DDX19B: variants seen among roughly 807,000 people sequenced by gnomAD.
DDX19B encodes DEAD-box helicase 19B.
A neutral mutation model predicts 58.1 loss-of-function variants in DDX19B; 27 were observed. The ratio of observed to expected loss-of-function variants is 0.46; its 90% confidence interval spans 0.34 to 0.64. The LOEUF is 0.64. Ranked by LOEUF, DDX19B falls within the 30% of genes least tolerant of loss-of-function variation. The pLI, the probability that DDX19B is intolerant of heterozygous loss-of-function variation, is 0.01. For synonymous variants in DDX19B, 187 were observed against 214.4 expected (o/e 0.87, Z 1.12); for missense variants, 399 against 596.5 (o/e 0.67, Z 3.45).
intron 3 of DDX19B, 182 bp from the exon 4 acceptor site, chr16:70,315,787 G>A (rs1329429749): frequency 2.5e-6 from 2 of 786,096 alleles, no homozygotes; most frequent in Non-Finnish European, 3.8e-6. Flanking sequence ...CTAAATGGGT[G>A]ATGTATCATA....
rs1962294781 is a variant in DDX19B, at chr16:70,314,952, A to G, written c.157A>G (p.Lys53Glu). 1 of 1,608,628 alleles carries G rather than the reference A, an allele frequency of 6.2e-7. No individual in the cohort carries two copies. ...TGCAGAGAAGACAGATGAAGAAGAG[A>G]AAGGTAACACAGCCGTGGAGCTTTA... Reference protein sequence around the residue: ...ANAEKTDEEEKEDRAAQSLLN... With the variant: ...ANAEKTDEEEEEDRAAQSLLN... The change falls in exon 3 of 12, where the codon AAA becomes GAA. Residue 53 changes from lysine (K) to glutamate (E), a missense_variant. Physicochemically the swap from Lys to Glu is moderately conservative, Grantham distance 56 (BLOSUM62 1). Coordinates refer to ENST00000288071, the MANE Select transcript of DDX19B (RefSeq NM_007242.7).
rs765220525 is a variant in DDX19B, at chr16:70,329,487, G to A, written c.785+18G>A. 6 of 1,613,190 alleles carry A rather than the reference G, an allele frequency of 3.7e-6. No individual in the cohort carries two copies. In the South Asian group the frequency reaches 5.5e-5, roughly 15 times the overall value. On this transcript the variant is annotated intron_variant, in intron 8 of 11. Coordinates refer to ENST00000288071, the MANE Select transcript of DDX19B (RefSeq NM_007242.7). ...ATCCAGAGGTAGGGATCTCGAGGGT[G>A]GGGGACTCCTCAGATTCCCCATCTG...
rs1963646308 is a variant in DDX19B, at chr16:70,334,965, A to G, written c.*1383A>G. The G allele has an allele frequency of 6.6e-6, 1 of 152,196 alleles. No individual in the cohort carries two copies. Among genetic ancestry groups the G allele is most frequent in the African/African-American group, 2.4e-5 (1 of 41,436 alleles). The allele number at this position is 152,196 out of a possible 1,614,324, so 9.4% of individuals were successfully genotyped here. A position where few individuals can be genotyped will look rare whatever the true frequency, so the allele number is the denominator to read the frequency against. On this transcript the variant is annotated 3_prime_UTR_variant, in exon 12 of 12. Transcript: ENST00000288071. ...GACCTGGAAGAAGAGTTTGATGGCT[A>G]AGAACGATTGTGATCCTAGGTCTTC...
At position 70,329,363 on chromosome 16, in the gene DDX19B, A is replaced by G; in HGVS notation, c.679A>G (p.Lys227Glu). 1 of 1,614,136 alleles carries G rather than the reference A, an allele frequency of 6.2e-7. No homozygotes were observed. The highest frequency in any genetic ancestry group is 8.5e-7 in the Non-Finnish European group (1 of 1,180,026). Residue 227 changes from lysine (K) to glutamate (E), a missense_variant, in exon 8 of 12, where the codon AAG becomes GAG. Physicochemically the swap from Lys to Glu is moderately conservative, Grantham distance 56. Transcript: ENST00000288071. ...TGGGACTGTGCTGGACTGGTGCTCC[A>G]AGCTCAAGTTCATTGATCCCAAGAA... Reference protein sequence around the residue: ...TPGTVLDWCSKLKFIDPKKIK... With the variant: ...TPGTVLDWCSELKFIDPKKIK...
chr16:70,325,801 C>A, intron 7 of DDX19B, 113 bp downstream of exon 7: 2 of 820,850 alleles, frequency 2.4e-6, no homozygotes, highest in Non-Finnish European at 4.0e-6. Flanking sequence ...TGTTCTCCAG[C>A]TAGATTCAAA....
At chr16:70,317,612 T>A in intron 5 of DDX19B, 24 bp downstream of exon 5, 1 of 1,582,584 alleles carries the variant, frequency 6.3e-7, no homozygotes, top group Non-Finnish European at 8.6e-7. Flanking sequence ...TACAACTCCA[T>A]TTCATTTTAG....
intron 7 of DDX19B, among the ~76,000 whole-genome samples, chr16:70,326,389 A>G (rs1273980063): frequency 6.6e-6 from 1 of 152,140 alleles, no homozygotes; most frequent in African/African-American, 2.4e-5. Context: ...AGGCAGGAGA[A>G]TGGTGTGAAC....
At chr16:70,298,264 G>A (rs998672889), upstream of DDX19B, among the ~76,000 whole-genome samples, 1 of 151,894 alleles carries the variant, frequency 6.6e-6, no homozygotes, top group African/African-American at 2.4e-5. Flanking sequence ...AAACTAGCTG[G>A]GCATGGTGGC....
intron 6 of DDX19B, among the ~76,000 whole-genome samples, 198 bp downstream of exon 6, chr16:70,324,885 CT>C (rs1363127385): frequency 6.6e-6 from 1 of 152,056 alleles, no homozygotes; most frequent in African/African-American, 2.4e-5. Flanking sequence ...AACCCTGTCT[CT>C]ACTAAAAATA....
Position 70,329,294 on chromosome 16 carries a change from G to T in DDX19B, c.610G>T (p.Glu204Ter). ...AAAACATCTTGGGGTCTCCACAGTG[G>T]AAAGAGGCCAGAAGATCAGTGAGCA... ...LAYAVRGNKL[E>*]RGQKISEQIV... The change falls in exon 8 of 12, where the codon GAA (glutamate) becomes TAA (stop). Residue 204 changes from glutamate (E) to a stop codon, truncating the protein, a stop_gained and splice_region_variant. Transcript: ENST00000288071. LOFTEE classifies it high-confidence loss of function. 1 of 1,613,738 alleles carries T rather than the reference G, an allele frequency of 6.2e-7. No individual in the cohort carries two copies. The highest frequency in any genetic ancestry group is 8.5e-7 in the Non-Finnish European group (1 of 1,179,974).
At chr16:70,293,846 C>A (rs1018017548), upstream of DDX19B, among the ~76,000 whole-genome samples, 1 of 150,482 alleles carries the variant, frequency 6.6e-6, no homozygotes, top group Non-Finnish European at 1.5e-5. Context: ...CTCCTGACCT[C>A]ATGATCCACC....
upstream of DDX19B, among the ~76,000 whole-genome samples, chr16:70,292,499 G>A (rs1171652464): frequency 6.6e-6 from 1 of 152,098 alleles, no homozygotes; most frequent in African/African-American, 2.4e-5. Context: ...AGGCCCAAAA[G>A]TCTCATTCTA....
intron 9 of DDX19B, 112 bp from the exon 10 acceptor site, chr16:70,331,610 T>C (rs1963480500): frequency 7.2e-6 from 10 of 1,397,756 alleles, no homozygotes; most frequent in Non-Finnish European, 9.6e-6. Context: ...ACCTCCTAAC[T>C]GGATTTAGCA....
At chr16:70,301,327 T>C (rs779475418) in intron 1 of DDX19B, among the ~76,000 whole-genome samples, 26 of 152,228 alleles carry the variant, frequency 1.7e-4, no homozygotes, top group Non-Finnish European at 3.2e-4. Flanking sequence ...TATAGAATTG[T>C]AGGTTGAAAA....
At chr16:70,315,624 GTT>G (rs535347955) in intron 3 of DDX19B, 9 of 163,638 alleles carry the variant, frequency 5.5e-5, no homozygotes, top group Non-Finnish European at 7.7e-5. Flanking sequence ...GTTAATTCCT[GTT>G]TTTTTTTTTA....
chr16:70,327,564 T>A (rs1406044294), intron 7 of DDX19B, among the ~76,000 whole-genome samples: 1 of 61,210 alleles, frequency 1.6e-5, no homozygotes, highest in Admixed American at 1.7e-4. Context: ...AACAAACAAA[T>A]TTTTTTTTTT....
At chr16:70,312,835 A>G (rs1962161809) in intron 2 of DDX19B, among the ~76,000 whole-genome samples, 178 bp downstream of exon 2, 1 of 151,790 alleles carries the variant, frequency 6.6e-6, no homozygotes, top group Non-Finnish European at 1.5e-5. Context: ...GTTTTTATTT[A>G]TTTTTTTGTT....
upstream of DDX19B, among the ~76,000 whole-genome samples, chr16:70,292,723 C>A (rs1961092554): frequency 6.6e-6 from 1 of 152,190 alleles, no homozygotes; most frequent in Admixed American, 6.5e-5. Flanking sequence ...ATTTGTTGAA[C>A]TCCATCTTGG....
At chr16:70,316,317 C>G (rs1002490016) in intron 4 of DDX19B, among the ~76,000 whole-genome samples, 1 of 151,770 alleles carries the variant, frequency 6.6e-6, no homozygotes, top group African/African-American at 2.4e-5. Context: ...TCGAGTGATT[C>G]TCCTGCCTCA....
Sources: gnomAD v4.1 joint callset for allele counts (sites outside exome capture counted in the v4.1 genomes callset) on GRCh38, gnomAD v4.1.1 for gene constraint, MANE v1.5 for transcripts, NCBI Gene and HGNC (gene_info 2026-07-23, HGNC 2026-07-21) for gene names.